C1QTNF3: variants seen among roughly 807,000 people sequenced by gnomAD.
C1QTNF3 encodes complement C1q tumor necrosis factor-related protein 3.
In C1QTNF3, 26 loss-of-function variants were observed where a neutral mutation model predicts 32.6. The observed-to-expected ratio is 0.80, with a 90% confidence interval of 0.58 to 1.11. The LOEUF is 1.11. Among genes scored for constraint, C1QTNF3 ranks in the 50% least tolerant of loss-of-function variants. C1QTNF3 has a pLI of 0.00. For synonymous variants in C1QTNF3, 155 were observed against 146.0 expected, an observed-to-expected ratio of 1.06 and a Z score of -0.44; for missense variants, 362 against 398.2, an observed-to-expected ratio of 0.91 and a Z score of 0.77.
At chr5:34,167,585 C>A in the C1QTNF3 span, 1 of 152,156 alleles carries the variant, frequency 6.6e-6, no homozygotes, top group Admixed American at 6.6e-5. Context: ...CACACAACAC[C>A]CAGCCAGTAG....
chr5:34,039,131 C>A lies in C1QTNF3; in HGVS notation c.304-3373G>T, dbSNP rs192566423. On this transcript the variant is annotated intron_variant, in intron 1 of 5. Coordinates refer to ENST00000382065, the MANE Select transcript of C1QTNF3 (RefSeq NM_181435.6). ...GTAAGGGAAGAATACCTCAAGTGAG[C>A]ATGGTTACAACTCCAGTAAACATAC... Among the ~76,000 whole-genome samples, 424 of 152,228 alleles carry A rather than the reference C, an allele frequency of 2.8e-3. 5 individuals are homozygous for A. Among genetic ancestry groups the A allele is most frequent in the South Asian group, 0.026 (126 of 4,816 alleles).
chr5:34,129,887 CATA>C, the C1QTNF3 span, among the ~76,000 whole-genome samples: 1 of 151,856 alleles, frequency 6.6e-6, no homozygotes, highest in Admixed American at 6.6e-5. Context: ...TCTCATATTC[CATA>C]ATGTCTTGTT....
the C1QTNF3 span, among the ~76,000 whole-genome samples, chr5:34,133,337 GAA>G: frequency 6.6e-6 from 1 of 152,064 alleles, no homozygotes; most frequent in Non-Finnish European, 1.5e-5. Flanking sequence ...GCTGCATTTT[GAA>G]AAAGATAACT....
Position 34,033,363 on chromosome 5 carries a change from G to A in C1QTNF3, c.511C>T (p.Arg171Trp), listed in dbSNP as rs1185713060. The change falls in exon 3 of 6, where the codon CGG becomes TGG. Residue 171 changes from arginine (R) to tryptophan (W), a missense_variant. Arg to Trp is a moderately radical substitution (Grantham distance 101, BLOSUM62 -3). Coordinates refer to ENST00000382065, the MANE Select transcript of C1QTNF3 (RefSeq NM_181435.6). ...TCTCCTTTGGGGCCATGCTGCCCCC[G>A]CTCCCCTCGAGGCCCCAGGTCACCT... Reference protein sequence around the residue: ...DKGDLGPRGERGQHGPKGEKG... With the variant: ...DKGDLGPRGEWGQHGPKGEKG... 6.2e-7 allele frequency: 1 copy of A among 1,613,452 alleles called. No individual in the cohort carries two copies.
the C1QTNF3 span, among the ~76,000 whole-genome samples, chr5:34,137,611 T>G: frequency 2.6e-5 from 4 of 152,352 alleles, no homozygotes. Context: ...AAAATGATTT[T>G]CTAAGTCTTT....
the C1QTNF3 span, among the ~76,000 whole-genome samples, chr5:34,056,190 T>C: frequency 0.01 from 1,560 of 151,972 alleles, 31 homozygotes; most frequent in African/African-American, 0.036. Flanking sequence ...TTCCAAGTCA[T>C]TATTTTATGG....
the C1QTNF3 span, among the ~76,000 whole-genome samples, chr5:34,061,445 C>G: frequency 9.1e-3 from 1,390 of 152,302 alleles, 14 homozygotes; most frequent in South Asian, 0.056. Flanking sequence ...TGCTCTGACC[C>G]CACATTTCCC....
At chr5:34,087,577 T>C in the C1QTNF3 span, among the ~76,000 whole-genome samples, 1 of 134,480 alleles carries the variant, frequency 7.4e-6, no homozygotes, top group East Asian at 2.1e-4. Flanking sequence ...TGTCTTTTTT[T>C]TTTTTTTTTT....
chr5:34,125,762 GCATTT>G, the C1QTNF3 span, among the ~76,000 whole-genome samples: 2 of 152,130 alleles, frequency 1.3e-5, no homozygotes, highest in Non-Finnish European at 2.9e-5. Flanking sequence ...AGAGATATAT[GCATTT>G]CATATTTCTT....
chr5:34,200,799 C>T, the C1QTNF3 span: 1 of 152,234 alleles, frequency 6.6e-6, no homozygotes, highest in East Asian at 1.9e-4. Flanking sequence ...TTTAGATTCT[C>T]TATACTTGCA....
Position 34,020,148 on chromosome 5 carries a change from C to A in C1QTNF3, c.*435G>T. The A allele has an allele frequency of 6.3e-6, 1 of 159,590 alleles. No individual in the cohort carries two copies. The highest frequency in any genetic ancestry group is 5.9e-5 in the Admixed American group (1 of 16,894). 9.9% of individuals were successfully genotyped at this position (159,590 alleles called of 1,614,324 possible). ...GGCAGCTAGTGCCCCTGTTCTTGCCCCAGCCCTGTCATATCACTACATCCG... is the reference window on the plus strand; with the variant it reads ...GGCAGCTAGTGCCCCTGTTCTTGCCACAGCCCTGTCATATCACTACATCCG... On this transcript the variant is annotated 3_prime_UTR_variant, in exon 6 of 6. Transcript: ENST00000382065.
In C1QTNF3 at chr5:34,042,844, C is replaced by A; in HGVS notation, c.282G>T (p.Gln94His). ...GTACCTGGCCCCAGAATGTGGTGAT[C>A]TGGGCTAGGTCATCTACCTCGGGGT... ...LPHPEVDDLAQITTFWGQSPQ... is the reference protein window; with the variant it reads ...LPHPEVDDLAHITTFWGQSPQ... Residue 94 changes from glutamine to histidine, a missense_variant, in exon 1 of 6, where the codon CAG (glutamine) becomes CAT (histidine). Coordinates refer to ENST00000382065, the MANE Select transcript of C1QTNF3 (RefSeq NM_181435.6). The A allele has an allele frequency of 6.2e-7, 1 of 1,613,494 alleles. No homozygotes were observed. Among genetic ancestry groups the A allele is most frequent in the Non-Finnish European group, 8.5e-7 (1 of 1,179,530 alleles).
At chr5:34,215,691 C>T in the C1QTNF3 span, among the ~76,000 whole-genome samples, 30 of 152,116 alleles carry the variant, frequency 2.0e-4, no homozygotes, top group Non-Finnish European at 3.8e-4. Context: ...GTCACCAAGG[C>T]TGGAGTGCAG....
the C1QTNF3 span, among the ~76,000 whole-genome samples, chr5:34,234,163 TTACTG>T: frequency 6.6e-6 from 1 of 152,272 alleles, no homozygotes; most frequent in East Asian, 1.9e-4. Context: ...AACACTTGGT[TTACTG>T]TATTATAATG....
chr5:34,214,324 A>T, the C1QTNF3 span, among the ~76,000 whole-genome samples: 6 of 151,972 alleles, frequency 3.9e-5, no homozygotes, highest in African/African-American at 1.4e-4. Flanking sequence ...CTAAATTGTT[A>T]ACAAACAAAA....
chr5:34,137,112 G>T, the C1QTNF3 span, among the ~76,000 whole-genome samples: 3 of 149,316 alleles, frequency 2.0e-5, no homozygotes, highest in Non-Finnish European at 3.0e-5. Flanking sequence ...AAACTTCCAC[G>T]TTGTGCACAT....
the C1QTNF3 span, among the ~76,000 whole-genome samples, chr5:34,119,385 G>A: frequency 6.6e-5 from 10 of 152,176 alleles, no homozygotes; most frequent in East Asian, 1.2e-3. Flanking sequence ...TAGATGTCAG[G>A]GACATAGTGC....
At chr5:34,081,536 A>G in the C1QTNF3 span, among the ~76,000 whole-genome samples, 2 of 151,622 alleles carry the variant, frequency 1.3e-5, no homozygotes, top group East Asian at 3.8e-4. Context: ...TTTGGCAACA[A>G]AAATTTGAAT....
chr5:34,031,698 G>C (rs1754617878), intron 3 of C1QTNF3, among the ~76,000 whole-genome samples: 1 of 152,106 alleles, frequency 6.6e-6, no homozygotes, highest in African/African-American at 2.4e-5. Context: ...AGCCGGGCAT[G>C]GTGTCACGCA....
Sources: gnomAD v4.1 joint callset for allele counts (sites outside exome capture counted in the v4.1 genomes callset) on GRCh38, gnomAD v4.1.1 for gene constraint, MANE v1.5 for transcripts, NCBI Gene and HGNC (gene_info 2026-07-23, HGNC 2026-07-21) for gene names.